The following RAB38 variants were observed in gnomAD, a reference collection of about 807,000 sequenced individuals.
RAB38 encodes RAB38, member RAS oncogene family, also known as ras-related protein Rab-38.
Under a neutral mutation model 18.4 loss-of-function variants are expected in RAB38, and 15 were observed. That is an observed-to-expected ratio of 0.82 (90% CI 0.55 to 1.26). The LOEUF (loss-of-function observed/expected upper bound fraction) is 1.26. Ranked by LOEUF, RAB38 falls within the 50% of genes most tolerant of loss-of-function variation. The probability of loss-of-function intolerance (pLI) is 0.00; values close to 1 mark genes in which losing one functional copy is unlikely to be tolerated. For missense variants in RAB38, 294 were observed against 267.4 expected (o/e 1.10, Z -0.69); for synonymous variants, 101 against 104.4 (o/e 0.97, Z 0.20).
At chr11:87,871,784 G>A in the RAB38 span, among the ~76,000 whole-genome samples, 1 of 151,426 alleles carries the variant, frequency 6.6e-6, no homozygotes. Context: ...TATAATATAT[G>A]CTGCATTTTT....
At chr11:88,104,590 G>A in the RAB38 span, among the ~76,000 whole-genome samples, 5 of 152,124 alleles carry the variant, frequency 3.3e-5, no homozygotes, top group African/African-American at 1.2e-4. Flanking sequence ...TCAGGTTAAT[G>A]ATTATCTTGT....
At chr11:88,069,363 C>T in the RAB38 span, among the ~76,000 whole-genome samples, 6 of 152,226 alleles carry the variant, frequency 3.9e-5, no homozygotes, top group Non-Finnish European at 7.3e-5. Flanking sequence ...GCCCAAGCCT[C>T]CCCGACGGGC....
At chr11:87,920,886 T>G in the RAB38 span, among the ~76,000 whole-genome samples, 1 of 152,086 alleles carries the variant, frequency 6.6e-6, no homozygotes, top group Non-Finnish European at 1.5e-5. Context: ...ATCATTGTTT[T>G]AGTACATATT....
At chr11:87,827,351 T>C in the RAB38 span, among the ~76,000 whole-genome samples, 2 of 151,998 alleles carry the variant, frequency 1.3e-5, no homozygotes, top group African/African-American at 2.4e-5. Context: ...GGGTCTAGGT[T>C]TGATTCTCTC....
chr11:87,944,485 T>TC, the RAB38 span, among the ~76,000 whole-genome samples: 1 of 152,110 alleles, frequency 6.6e-6, no homozygotes, highest in Non-Finnish European at 1.5e-5. Context: ...CCATTTTTGG[T>TC]CCCTACAGCT....
the RAB38 span, among the ~76,000 whole-genome samples, chr11:88,054,108 T>C: frequency 6.6e-6 from 1 of 152,196 alleles, no homozygotes; most frequent in East Asian, 1.9e-4. Context: ...GATTAATGCA[T>C]ATAAAGCACA....
At chr11:88,097,949 C>T in the RAB38 span, 3 of 151,880 alleles carry the variant, frequency 2.0e-5, no homozygotes, top group African/African-American at 4.8e-5. Flanking sequence ...TACTTTACTG[C>T]TCATGCTTCT....
chr11:87,953,682 C>T, the RAB38 span, among the ~76,000 whole-genome samples: 2 of 152,058 alleles, frequency 1.3e-5, no homozygotes, highest in African/African-American at 2.4e-5. Flanking sequence ...ACATAGGGTT[C>T]AGTACTATCT....
the RAB38 span, among the ~76,000 whole-genome samples, chr11:87,945,445 G>A: frequency 5.3e-5 from 8 of 152,178 alleles, no homozygotes; most frequent in African/African-American, 1.9e-4. Context: ...ACAAATTGGA[G>A]CTTCCAAAAA....
At chr11:87,812,732 A>G in the RAB38 span, among the ~76,000 whole-genome samples, 14 of 152,148 alleles carry the variant, frequency 9.2e-5, no homozygotes, top group African/African-American at 3.1e-4. Context: ...TTTGTGTAAA[A>G]CGCCGAAAGA....
chr11:88,041,583 T>C, the RAB38 span, among the ~76,000 whole-genome samples: 1 of 152,320 alleles, frequency 6.6e-6, no homozygotes. Flanking sequence ...TTAGCTCAAC[T>C]AAAGCTAGTT....
the RAB38 span, among the ~76,000 whole-genome samples, chr11:87,939,903 A>G: frequency 6.6e-6 from 1 of 152,020 alleles, no homozygotes; most frequent in East Asian, 1.9e-4. Flanking sequence ...ACCTTATCTC[A>G]AAAAATCAAA....
chr11:88,043,512 T>C, the RAB38 span, among the ~76,000 whole-genome samples: 117,028 of 151,864 alleles, frequency 0.77, 45,588 homozygotes, highest in African/African-American at 0.88. Flanking sequence ...TGAAAATAGC[T>C]TGTTCCTGCC....
At chr11:87,969,076 T>C in the RAB38 span, among the ~76,000 whole-genome samples, 1 of 152,180 alleles carries the variant, frequency 6.6e-6, no homozygotes, top group Non-Finnish European at 1.5e-5. Flanking sequence ...TCAGGCTCTT[T>C]GACTCACTCT....
At chr11:87,868,362 C>A in the RAB38 span, among the ~76,000 whole-genome samples, 2 of 151,716 alleles carry the variant, frequency 1.3e-5, no homozygotes, top group East Asian at 3.9e-4. Flanking sequence ...GTGGAAGCAG[C>A]CTGAAGCCCT....
At chr11:87,844,197 GAAAT>G in the RAB38 span, among the ~76,000 whole-genome samples, 99 of 152,066 alleles carry the variant, frequency 6.5e-4, 2 homozygotes, top group Non-Finnish European at 4.4e-4. Context: ...ATAATCCTAT[GAAAT>G]AAATAGAGAT....
intron 1 of RAB38, among the ~76,000 whole-genome samples, chr11:88,171,818 A>C (rs1238017549): frequency 6.6e-6 from 1 of 152,244 alleles, no homozygotes; most frequent in Non-Finnish European, 1.5e-5. Context: ...GTAATAAAAA[A>C]GTGGAGTCTC....
At chr11:87,866,786 C>T in the RAB38 span, among the ~76,000 whole-genome samples, 18 of 151,678 alleles carry the variant, frequency 1.2e-4, no homozygotes, top group Admixed American at 5.3e-4. Flanking sequence ...AGAATGACTT[C>T]GACATGCCCA....
chr11:88,120,077 A>T (rs566099443), intron 2 of RAB38, among the ~76,000 whole-genome samples: 1 of 152,148 alleles, frequency 6.6e-6, no homozygotes, highest in South Asian at 2.1e-4. Flanking sequence ...TCAACCTCCC[A>T]TTTCCTTTGG....
Sources: gnomAD v4.1 joint callset for allele counts (sites outside exome capture counted in the v4.1 genomes callset) on GRCh38, gnomAD v4.1.1 for gene constraint, MANE v1.5 for transcripts, NCBI Gene and HGNC (gene_info 2026-07-23, HGNC 2026-07-21) for gene names.